The following BOP1 variants were observed in gnomAD, a reference collection of about 807,000 sequenced individuals.
BOP1 encodes BOP1 ribosomal biogenesis factor, also known as ribosome biogenesis protein BOP1.
In BOP1, 54 loss-of-function variants were observed where a neutral mutation model predicts 82.9. The ratio of observed to expected loss-of-function variants is 0.65; its 90% CI spans 0.52 to 0.82. BOP1 has a LOEUF of 0.82. Among genes scored for constraint, BOP1 ranks in the 40% least tolerant of loss-of-function variants. The pLI, the probability that BOP1 is intolerant of heterozygous loss-of-function variation, is 0.00. For missense variants in BOP1, 1,170 were observed against 1,072.0 expected (o/e 1.09, Z -1.28); for synonymous variants, 566 against 451.1 (o/e 1.25, Z -3.23).
At chr8:144,281,040 GGTCTTAGGCCTTCTCTCAC>G in intron 2 of BOP1, among the ~76,000 whole-genome samples, 1 of 147,280 alleles carries the variant, frequency 6.8e-6, no homozygotes, top group Non-Finnish European at 1.5e-5. Flanking sequence ...TTTAATACCA[GGTCTTAGGCCTTCTCTCAC>G]TTTCATACCA....
At chr8:144,274,336 G>A (rs1341142014) in intron 3 of BOP1, among the ~76,000 whole-genome samples, 1 of 152,182 alleles carries the variant, frequency 6.6e-6, no homozygotes, top group Non-Finnish European at 1.5e-5. Context: ...CACCTCCAAG[G>A]ACACGGGGCT....
At chr8:144,272,505 GCTCCA>G (rs1588596606) in intron 3 of BOP1, among the ~76,000 whole-genome samples, 1 of 152,108 alleles carries the variant, frequency 6.6e-6, no homozygotes, top group Admixed American at 6.5e-5. Flanking sequence ...GCCTTCCCCG[GCTCCA>G]CTCCACAGGC....
chr8:144,270,554 G>T (rs1016262326), intron 3 of BOP1, among the ~76,000 whole-genome samples: 2 of 152,110 alleles, frequency 1.3e-5, no homozygotes, highest in African/African-American at 2.4e-5. Context: ...CGGTAGCAGC[G>T]GCCGAGGGCC....
At chr8:144,287,338 T>C (rs1221858270) in intron 2 of BOP1, among the ~76,000 whole-genome samples, 3 of 152,078 alleles carry the variant, frequency 2.0e-5, no homozygotes, top group Non-Finnish European at 4.4e-5. Flanking sequence ...ATCATTAACA[T>C]GTAAATGTGT....
In BOP1 at chr8:144,271,427, C is replaced by G. The variant is rs890893884; in HGVS notation, c.390+4797G>C. On this transcript the variant is annotated intron_variant, in intron 3 of 15. Coordinates refer to ENST00000569669, the MANE Select transcript of BOP1 (RefSeq NM_015201.5). ...CCCCCGGGAGCGTGGGGTCAGCCGC[C>G]CTCGCTCCGTCTCTCTCTTCCCCAG... Among the ~76,000 whole-genome samples the G allele has an allele frequency of 3.3e-5, 5 of 152,230 alleles. No individual in the cohort carries two copies. In the South Asian group the frequency reaches 1.0e-3, roughly 32 times the overall value.
chr8:144,264,691 A>C, intron 5 of BOP1, 23 bp downstream of exon 5: 3 of 1,565,870 alleles, frequency 1.9e-6, no homozygotes, highest in Non-Finnish European at 2.6e-6. Flanking sequence ...CCCGCCGCCC[A>C]GGGGCCAGCC....
At position 144,265,383 on chromosome 8, in the gene BOP1, G is replaced by A. The variant is rs1845336359; in HGVS notation, c.391-312C>T. ...CCAGGGCTCTGGGCAGCCACAGACA[G>A]GGATGACCTCATCACCCACGGGCTC... On this transcript the variant is annotated intron_variant, in intron 3 of 15. Transcript: ENST00000569669. 3.7e-5 allele frequency: 19 copies of A among 519,292 alleles called. No individual in the cohort carries two copies. In the South Asian group the frequency reaches 4.2e-4, roughly 11 times the overall value. 32.2% of individuals were successfully genotyped at this position (519,292 alleles called of 1,614,324 possible). A position where few individuals can be genotyped will look rare whatever the true frequency, so the allele number is the denominator to read the frequency against.
At chr8:144,266,609 G>A (rs1384779836) in intron 3 of BOP1, 2 of 1,166,674 alleles carry the variant, frequency 1.7e-6, no homozygotes, top group Non-Finnish European at 2.1e-6. Context: ...GCCCCCGCCG[G>A]CCCCATGTCC....
intron 2 of BOP1, among the ~76,000 whole-genome samples, chr8:144,284,382 T>G (rs1814806373): frequency 1.3e-5 from 2 of 152,206 alleles, no homozygotes; most frequent in Admixed American, 6.5e-5. Context: ...AGAAACAGCA[T>G]GTTACTGTCA....
intron 3 of BOP1, among the ~76,000 whole-genome samples, chr8:144,275,137 G>GC (rs1845549474): frequency 6.6e-6 from 1 of 152,006 alleles, no homozygotes; most frequent in Admixed American, 6.5e-5. Flanking sequence ...TCTCCCCCAG[G>GC]CCCCCCGGGG....
At chr8:144,269,963 G>A (rs1845465424) in intron 3 of BOP1, among the ~76,000 whole-genome samples, 1 of 152,136 alleles carries the variant, frequency 6.6e-6, no homozygotes, top group Non-Finnish European at 1.5e-5. Context: ...GGCACTGGGT[G>A]TAGTTCTGTA....
Position 144,291,121 on chromosome 8 carries a change from C to T in BOP1, c.99+151G>A, listed in dbSNP as rs1269759181. 3 of 520,184 alleles carry T rather than the reference C, an allele frequency of 5.8e-6. No individual in the cohort carries two copies. In the African/African-American group the frequency reaches 6.1e-5, roughly 11 times the overall value. The allele number at this position is 520,184 out of a possible 1,614,324, so 32.2% of individuals were successfully genotyped here. A position where few individuals can be genotyped will look rare whatever the true frequency, so the allele number is the denominator to read the frequency against. On this transcript the variant is annotated intron_variant, in intron 1 of 15. Coordinates refer to ENST00000569669, the MANE Select transcript of BOP1 (RefSeq NM_015201.5). The surrounding 1 kb of genome is among the most constrained non-coding windows in gnomAD (Gnocchi z 4.1). ...CCCGCAGTCCGCTCTGCCTGAGACC[C>T]CCCGATAGAGGAGCTGCACCCACGC...
intron 12 of BOP1, 29 bp from the exon 13 acceptor site, chr8:144,263,170 C>T (rs1440980169): frequency 6.3e-7 from 1 of 1,592,490 alleles, no homozygotes; most frequent in African/African-American, 1.3e-5. Flanking sequence ...GGCTGAGTGG[C>T]TGAGCCGGGC....
Position 144,291,366 on chromosome 8 carries a change from G to A in BOP1, c.5C>T (p.Ala2Val), listed in dbSNP as rs1588614524. ...CGTGCGCCCCGCACCCCGCGAACCC[G>A]CCATGCCCCACCGCGCGCCGGCCGC... The part of the protein sequence containing the change: M[A>V]GSRGAGRTAA... Residue 2 changes from alanine to valine, a missense_variant, in exon 1 of 16, where the codon GCG (alanine) becomes GTG (valine). By Grantham distance (64) the Ala-to-Val change is moderately conservative. Coordinates refer to ENST00000569669, the MANE Select transcript of BOP1 (RefSeq NM_015201.5). The surrounding 1 kb of genome is among the most constrained non-coding windows in gnomAD (Gnocchi z 4.1). 2.4e-6 allele frequency: 3 copies of A among 1,242,404 alleles called. No individual in the cohort carries two copies. The highest frequency in any genetic ancestry group is 4.3e-5 in the Admixed American group (1 of 23,194). 77.0% of individuals were successfully genotyped at this position (1,242,404 alleles called of 1,614,324 possible).
At chr8:144,266,786 G>A (rs1442082149) in intron 3 of BOP1, 508 of 1,105,012 alleles carry the variant, frequency 4.6e-4, no homozygotes, top group Middle Eastern at 1.6e-3. Flanking sequence ...AGGGCGGGGG[G>A]CCGGCGGGCC....
In BOP1 at chr8:144,291,336, G is replaced by A. The variant is rs1564606470; in HGVS notation, c.35C>T (p.Ala12Val). The part of the protein sequence containing the change: ...AGSRGAGRTA[A>V]PSVRPEKRRS... ...CCGCTTCTCCGGCCGCACGCTCGGC[G>A]CCGCCGTGCGCCCCGCACCCCGCGA... The change falls in exon 1 of 16, where the codon GCG becomes GTG. Residue 12 changes from alanine to valine, a missense_variant. Physicochemically the swap from Ala to Val is moderately conservative, Grantham distance 64 (BLOSUM62 0). Coordinates refer to ENST00000569669, the MANE Select transcript of BOP1 (RefSeq NM_015201.5). The surrounding 1 kb of genome is among the most constrained non-coding windows in gnomAD (Gnocchi z 4.1). 2.1e-6 allele frequency: 3 copies of A among 1,409,062 alleles called. No individual in the cohort carries two copies. Among genetic ancestry groups the A allele is most frequent in the Middle Eastern group, 2.3e-4 (1 of 4,390 alleles). 87.3% of individuals were successfully genotyped at this position (1,409,062 alleles called of 1,614,324 possible). A position where few individuals can be genotyped will look rare whatever the true frequency, so the allele number is the denominator to read the frequency against.
Position 144,289,282 on chromosome 8 carries a change from G to A in BOP1, c.122C>T (p.Pro41Leu), listed in dbSNP as rs782802953. 2 of 1,613,928 alleles carry A rather than the reference G, an allele frequency of 1.2e-6. No homozygotes were observed. The highest frequency in any genetic ancestry group is 3.3e-5 in the Admixed American group (2 of 59,990). ...ATCGCTGCCGGTGCTGTGGCTGAGA[G>A]GAGAGGTGCAGAGGAGGGGGGGCTG... The part of the protein sequence containing the change: ...EPEPPLLCTS[P>L]LSHSTGSDSG... The change falls in exon 2 of 16, where the codon CCT becomes CTT. Residue 41 changes from proline (P) to leucine (L), a missense_variant. Coordinates refer to ENST00000569669, the MANE Select transcript of BOP1 (RefSeq NM_015201.5).
intron 3 of BOP1, among the ~76,000 whole-genome samples, chr8:144,272,059 C>T (rs1420832232): frequency 1.3e-5 from 2 of 152,164 alleles, no homozygotes; most frequent in Admixed American, 6.5e-5. Flanking sequence ...GGGACAATAG[C>T]TGTTCCCAGG....
At chr8:144,274,050 C>A (rs1459703625) in intron 3 of BOP1, among the ~76,000 whole-genome samples, 3 of 152,118 alleles carry the variant, frequency 2.0e-5, no homozygotes, top group Non-Finnish European at 4.4e-5. Flanking sequence ...AGGGAAGTGG[C>A]CTGAGGAGAA....
Sources: allele counts gnomAD v4.1 joint callset (sites outside exome capture counted in the v4.1 genomes callset), GRCh38; gene constraint gnomAD v4.1.1; non-coding constraint Gnocchi (gnomAD v3.1); transcripts MANE v1.5; gene names NCBI Gene and HGNC (gene_info 2026-07-23, HGNC 2026-07-21).